The following PRKDC variants were observed in gnomAD, a reference collection of about 807,000 sequenced individuals.
The protein encoded by PRKDC is DNA-dependent protein kinase catalytic subunit.
PRKDC carries 82 observed loss-of-function variants against 486.9 expected under a neutral mutation model. The ratio of observed to expected loss-of-function variants is 0.17; its 90% CI spans 0.14 to 0.20. The LOEUF (loss-of-function observed/expected upper bound fraction) is 0.20. Among genes scored for constraint, PRKDC ranks in the 10% least tolerant of loss-of-function variants. The pLI is 1.00. For missense variants in PRKDC, 4,504 were observed against 5,038.2 expected, an observed-to-expected ratio of 0.89 and a Z score of 3.21; for synonymous variants, 1,895 against 1,837.0, an observed-to-expected ratio of 1.03 and a Z score of -0.81.
Position 47,863,492 on chromosome 8 carries a change from T to C in PRKDC, c.5657A>G (p.Lys1886Arg), listed in dbSNP as rs781215526. The C allele has an allele frequency of 6.2e-7, 1 of 1,612,430 alleles. No individual in the cohort carries two copies. The stretch of plus-strand genomic sequence containing the variant: ...TGATTCCTTAGCATGAACATCATCT[T>C]TGGGAAGGCGAGAATACATCACGTC... ...ILDVMYSRLP[K>R]DDVHAKESKI... The change falls in exon 42 of 86, where the codon AAA (lysine) becomes AGA (arginine). Residue 1886 changes from lysine to arginine, a missense_variant. Coordinates refer to ENST00000314191, the MANE Select transcript of PRKDC (RefSeq NM_006904.7).
Position 47,834,405 on chromosome 8 carries a change from T to C in PRKDC, c.7952-9A>G, listed in dbSNP as rs765361291. On this transcript the variant is annotated splice_polypyrimidine_tract_variant and intron_variant, in intron 58 of 85. Transcript: ENST00000314191. Reference sequence around the variant, plus strand: ...AAATGAGCTTCTTCCATCTGTGACATGCAATCAGAGAGGTCAGGCACTCAG... The same window carrying C: ...AAATGAGCTTCTTCCATCTGTGACACGCAATCAGAGAGGTCAGGCACTCAG... 3 of 1,612,486 alleles carry C rather than the reference T, an allele frequency of 1.9e-6. No homozygotes were observed. The highest frequency in any genetic ancestry group is 1.1e-5 in the South Asian group (1 of 91,028).
At chr8:47,906,131 T>G (rs1260688463) in intron 25 of PRKDC, among the ~76,000 whole-genome samples, 1 of 152,198 alleles carries the variant, frequency 6.6e-6, no homozygotes, top group Non-Finnish European at 1.5e-5. Context: ...GAGGGTCTTT[T>G]GAAGCCACTT....
At chr8:47,779,595 C>G (rs1226634297) in intron 80 of PRKDC, among the ~76,000 whole-genome samples, 4 of 152,084 alleles carry the variant, frequency 2.6e-5, no homozygotes, top group Non-Finnish European at 5.9e-5. Context: ...ACATCTTTTT[C>G]TTTTGTTTTT....
intron 19 of PRKDC, among the ~76,000 whole-genome samples, chr8:47,928,154 CTTTTTT>C (rs375267637): frequency 7.6e-6 from 1 of 130,998 alleles, no homozygotes; most frequent in Non-Finnish European, 1.6e-5. Context: ...GCTTGAGGGA[CTTTTTT>C]TTTTTTTTTT....
intron 57 of PRKDC, 43 bp from the exon 58 acceptor site, chr8:47,836,570 A>T: frequency 3.4e-6 from 5 of 1,486,208 alleles, no homozygotes; most frequent in Non-Finnish European, 4.6e-6. Context: ...TTTCAAATGA[A>T]ATAATGCTCC....
intron 49 of PRKDC, among the ~76,000 whole-genome samples, chr8:47,856,637 A>AAC (rs144727186): frequency 9.7e-4 from 148 of 152,252 alleles, no homozygotes; most frequent in African/African-American, 3.1e-3. Flanking sequence ...GCAAAGCACC[A>AAC]ACACACACAC....
intron 7 of PRKDC, among the ~76,000 whole-genome samples, chr8:47,948,098 G>GCA (rs141437463): frequency 0.054 from 7,572 of 140,104 alleles, 238 homozygotes; most frequent in African/African-American, 0.072. Context: ...AAATATATTT[G>GCA]CACACACACA....
At position 47,936,360 on chromosome 8, in the gene PRKDC, A is replaced by G; in HGVS notation, c.1271T>C (p.Leu424Pro). 6.2e-7 allele frequency: 1 copy of G among 1,609,988 alleles called. No homozygotes were observed. The highest frequency in any genetic ancestry group is 8.5e-7 in the Non-Finnish European group (1 of 1,177,792). The part of the protein sequence containing the change: ...LQSVASVLLY[L>P]DTVPEVYTPV... Reference sequence around the variant, plus strand: ...TCAGTTTAGTTCACTTACTGTGTCAAGGTACAGCAAGACGCTTGCAACAGA... The same window carrying G: ...TCAGTTTAGTTCACTTACTGTGTCAGGGTACAGCAAGACGCTTGCAACAGA... The change falls in exon 12 of 86, where the codon CTT becomes CCT. Residue 424 changes from leucine (L) to proline (P), a missense_variant. By Grantham distance (98) the Leu-to-Pro change is moderately conservative. This residue lies in a region of PRKDC where 1,969 missense variants were observed against 2,068.9 expected (regional missense o/e 0.95). Coordinates refer to ENST00000314191, the MANE Select transcript of PRKDC (RefSeq NM_006904.7).
chr8:47,787,119 T>A (rs749282512), intron 76 of PRKDC, among the ~76,000 whole-genome samples: 2 of 152,248 alleles, frequency 1.3e-5, no homozygotes, highest in Non-Finnish European at 2.9e-5. Flanking sequence ...AGATATTTAC[T>A]TGAATTATAA....
At chr8:47,877,897 T>C in intron 39 of PRKDC, 46 bp from the exon 40 acceptor site, 1 of 1,362,332 alleles carries the variant, frequency 7.3e-7, no homozygotes, top group Non-Finnish European at 9.6e-7. Context: ...TGGGTTTTAC[T>C]TTTGCTTCAA....
chr8:47,861,986 T>G, intron 44 of PRKDC, 76 bp downstream of exon 44: 1 of 1,204,564 alleles, frequency 8.3e-7, no homozygotes, highest in South Asian at 1.5e-5. Flanking sequence ...TATTGGCAAC[T>G]TAACGTGTTT....
At chr8:47,883,035 T>A (rs1035796472) in intron 36 of PRKDC, among the ~76,000 whole-genome samples, 1 of 152,222 alleles carries the variant, frequency 6.6e-6, no homozygotes, top group Non-Finnish European at 1.5e-5. Context: ...GGGGCCGACA[T>A]ACTGTATCCA....
At chr8:47,950,887 A>C (rs1274580063) in intron 7 of PRKDC, among the ~76,000 whole-genome samples, 1 of 152,010 alleles carries the variant, frequency 6.6e-6, no homozygotes, top group Admixed American at 6.6e-5. Context: ...GAGGTGGGAG[A>C]ACTGCTTGAG....
At chr8:47,841,813 G>C (rs1183599421) in intron 54 of PRKDC, among the ~76,000 whole-genome samples, 1 of 152,194 alleles carries the variant, frequency 6.6e-6, no homozygotes, top group Non-Finnish European at 1.5e-5. Flanking sequence ...CAGTGATCTG[G>C]GCGCAGAAAG....
In PRKDC at chr8:47,888,879, T is replaced by C. The variant is rs912810469; in HGVS notation, c.4280+135A>G. The C allele has an allele frequency of 2.4e-5, 26 of 1,081,638 alleles. 1 individual carries two copies. In the South Asian group the frequency reaches 3.9e-4, roughly 16 times the overall value. The allele number at this position is 1,081,638 out of a possible 1,614,324, so 67.0% of individuals were successfully genotyped here. On this transcript the variant is annotated intron_variant, in intron 33 of 85. Transcript: ENST00000314191. ...TTAAATGTGTTTTCTAAACAACTAT[T>C]GAGGTCACTGGCAGCAAACATCCCA...
chr8:47,838,603 C>T (rs2088077345), intron 56 of PRKDC, among the ~76,000 whole-genome samples: 1 of 152,128 alleles, frequency 6.6e-6, no homozygotes, highest in South Asian at 2.1e-4. Flanking sequence ...CAGAGCAAGA[C>T]CTCATCTCTA....
chr8:47,868,869 G>A (rs2088878860), intron 40 of PRKDC, among the ~76,000 whole-genome samples: 1 of 152,150 alleles, frequency 6.6e-6, no homozygotes, highest in South Asian at 2.1e-4. Context: ...ACTTGGGGGA[G>A]GAAAAGCACA....
Position 47,935,823 on chromosome 8 carries a change from T to G in PRKDC, c.1356A>C (p.Lys452Asn). The change falls in exon 13 of 86, where the codon AAA (lysine) becomes AAC (asparagine). Residue 452 changes from lysine (K) to asparagine (N), a missense_variant. By Grantham distance (94) the Lys-to-Asn change is moderately conservative. Coordinates refer to ENST00000314191, the MANE Select transcript of PRKDC (RefSeq NM_006904.7). ...TGGCTCTGCAACACACCAGCTGCATTTTTGGACTGTACTGTGGGAAACTGT... is the reference window on the plus strand; with the variant it reads ...TGGCTCTGCAACACACCAGCTGCATGTTTGGACTGTACTGTGGGAAACTGT... ...QIDSFPQYSPKMQLVCCRAIV... is the reference protein window; with the variant it reads ...QIDSFPQYSPNMQLVCCRAIV... The G allele has an allele frequency of 6.2e-7, 1 of 1,613,974 alleles. No individual in the cohort carries two copies.
At chr8:47,852,063 C>T (rs1010965206) in intron 52 of PRKDC, among the ~76,000 whole-genome samples, 13 of 152,348 alleles carry the variant, frequency 8.5e-5, no homozygotes, top group African/African-American at 3.1e-4. Context: ...CTGCAGTGTG[C>T]TATGATTACA....
Sources: gnomAD v4.1 joint callset for allele counts (sites outside exome capture counted in the v4.1 genomes callset) on GRCh38, gnomAD v4.1.1 for gene constraint, gnomAD v4.1.1 regional missense constraint, MANE v1.5 for transcripts, NCBI Gene and HGNC (gene_info 2026-07-23, HGNC 2026-07-21) for gene names.